The following CHEK1 variants were observed in gnomAD, a reference collection of about 807,000 sequenced individuals.
CHEK1 encodes the protein serine/threonine-protein kinase Chk1.
CHEK1 carries 32 observed loss-of-function variants against 60.2 expected under a neutral mutation model. The ratio of observed to expected loss-of-function variants is 0.53; its 90% CI spans 0.40 to 0.71. The LOEUF is 0.71. Among genes scored for constraint, CHEK1 ranks in the 30% least tolerant of loss-of-function variants. The probability of loss-of-function intolerance (pLI) is 0.00; values close to 1 mark genes in which losing one functional copy is unlikely to be tolerated. For synonymous variants in CHEK1, 179 were observed against 187.2 expected, an observed-to-expected ratio of 0.96 and a Z score of 0.36; for missense variants, 399 against 564.6, an observed-to-expected ratio of 0.71 and a Z score of 2.97.
In CHEK1 at chr11:125,627,628, A is replaced by G; in HGVS notation, c.87A>G (p.Arg29=). Residue 29 remains arginine, a synonymous_variant, in exon 3 of 13, where the codon AGA becomes AGG. Transcript: ENST00000438015. The part of the protein sequence containing the change: ...AYGEVQLAVN[R]VTEEAVAVKI... The stretch of plus-strand genomic sequence containing the variant: ...TTAGAGTTCAACTTGCTGTGAATAG[A>G]GTAACTGAAGAAGCAGTCGCAGTGA... 1 of 1,613,548 alleles carries G rather than the reference A, an allele frequency of 6.2e-7. No individual in the cohort carries two copies. Among genetic ancestry groups the G allele is most frequent in the Non-Finnish European group, 8.5e-7 (1 of 1,179,798 alleles).
chr11:125,665,670 T>G (rs546795077), intron 13 of CHEK1, among the ~76,000 whole-genome samples: 1 of 152,102 alleles, frequency 6.6e-6, no homozygotes, highest in Non-Finnish European at 1.5e-5. Flanking sequence ...ATTATTGATA[T>G]GTTCAGGTTT....
Position 125,644,271 on chromosome 11 carries a change from G to A in CHEK1, c.1101+3G>A, listed in dbSNP as rs1253069841. The stretch of plus-strand genomic sequence containing the variant: ...TTGGCACCCCAGGATCCTCACAGGT[G>A]AGGGAATTTAATTTTTTAAAAGTAA... On this transcript the variant is annotated splice_donor_region_variant and intron_variant, in intron 10 of 12. Transcript: ENST00000438015. 1.6e-5 allele frequency: 25 copies of A among 1,598,514 alleles called. No individual in the cohort carries two copies. Among genetic ancestry groups the A allele is most frequent in the African/African-American group, 2.7e-5 (2 of 73,834 alleles).
At chr11:125,665,332 A>G (rs1447622998) in intron 13 of CHEK1, among the ~76,000 whole-genome samples, 3 of 149,302 alleles carry the variant, frequency 2.0e-5, no homozygotes, top group Non-Finnish European at 3.0e-5. Flanking sequence ...GATGAATTCT[A>G]CCTGATCATG....
intron 11 of CHEK1, among the ~76,000 whole-genome samples, chr11:125,646,083 G>A (rs925577974): frequency 2.6e-5 from 4 of 151,794 alleles, no homozygotes; most frequent in African/African-American, 9.7e-5. Flanking sequence ...CCAGAACATT[G>A]CATCACCACG....
chr11:125,680,684 G>A (rs1942755654), downstream of CHEK1: 2 of 1,564,244 alleles, frequency 1.3e-6, no homozygotes, highest in Non-Finnish European at 1.8e-6. Flanking sequence ...ATGTCTTAAG[G>A]GAGACCCCTT....
At chr11:125,679,216 C>CTTTTTTTTTTTTTTTTTTTTTTTTTTTT (rs71045115), downstream of CHEK1, among the ~76,000 whole-genome samples, 13 of 121,042 alleles carry the variant, frequency 1.1e-4, 2 homozygotes, top group African/African-American at 3.8e-4. Context: ...CCGTCTCTTT[C>CTTTTTTTTTTTTTTTTTTTTTTTTTTTT]TTTTTTTTTT....
intron 13 of CHEK1, chr11:125,672,469 A>G: frequency 2.7e-6 from 3 of 1,130,498 alleles, no homozygotes; most frequent in South Asian, 1.5e-5. Flanking sequence ...TGAGCATCCT[A>G]ATGCTCAGGC....
At chr11:125,657,186 C>CT (rs796267349), downstream of CHEK1, 1 of 65,014 alleles carries the variant, frequency 1.5e-5, no homozygotes, top group Non-Finnish European at 3.1e-5. Context: ...TCAACCTATG[C>CT]TTGTGTGTGT....
downstream of CHEK1, among the ~76,000 whole-genome samples, chr11:125,659,113 A>G (rs1941969185): frequency 2.0e-5 from 3 of 152,198 alleles, no homozygotes; most frequent in Admixed American, 2.0e-4. Flanking sequence ...GGTTATTGAA[A>G]AGATCATTAT....
rs1343548560 is a variant in CHEK1 at position 125,644,266 on chromosome 11, CA to C, written c.1100del (p.Gln367ArgfsTer11). On this transcript the variant is annotated frameshift_variant and splice_region_variant, in exon 10 of 13. Coordinates refer to ENST00000438015, the MANE Select transcript of CHEK1 (RefSeq NM_001114122.3). LOFTEE classifies it high-confidence loss of function. ...GTTACTTGGCACCCCAGGATCCTCACAGGTGAGGGAATTTAATTTTTTAAAA... is the reference window on the plus strand; with the variant it reads ...GTTACTTGGCACCCCAGGATCCTCACGGTGAGGGAATTTAATTTTTTAAAA... Reference protein sequence around the residue: ...SQLLGTPGSSQNPWQRLVKRM... With the variant: ...SQLLGTPGSSXNPWQRLVKRM... The C allele has an allele frequency of 6.2e-7, 1 of 1,602,672 alleles. No homozygotes were observed. Among genetic ancestry groups the C allele is most frequent in the Admixed American group, 1.8e-5 (1 of 56,576 alleles).
intron 11 of CHEK1, among the ~76,000 whole-genome samples, chr11:125,648,349 G>A (rs1941575763): frequency 1.3e-5 from 2 of 152,026 alleles, no homozygotes; most frequent in South Asian, 2.1e-4. Context: ...TTGGGAGGCC[G>A]TTGCGGGTGG....
At chr11:125,648,233 T>C (rs538933824) in intron 11 of CHEK1, among the ~76,000 whole-genome samples, 10 of 152,300 alleles carry the variant, frequency 6.6e-5, no homozygotes, top group Non-Finnish European at 1.2e-4. Context: ...ATTTGCTGAA[T>C]TCATTAACTC....
chr11:125,636,320 A>C (rs1941073509), intron 7 of CHEK1, among the ~76,000 whole-genome samples: 1 of 152,046 alleles, frequency 6.6e-6, no homozygotes, highest in African/African-American at 2.4e-5. Flanking sequence ...GGCTGTGATA[A>C]TATTCTGCCA....
intron 13 of CHEK1, among the ~76,000 whole-genome samples, chr11:125,668,840 A>G (rs146140293): frequency 1.6e-4 from 24 of 152,318 alleles, no homozygotes; most frequent in African/African-American, 5.1e-4. Context: ...TACAGGTATA[A>G]GCCACCGTCC....
chr11:125,659,373 A>G (rs1159818943), downstream of CHEK1, among the ~76,000 whole-genome samples: 1 of 151,534 alleles, frequency 6.6e-6, no homozygotes, highest in Non-Finnish European at 1.5e-5. Flanking sequence ...GATTGCTATG[A>G]TAGTTTCAGA....
rs1263328546 is a variant in CHEK1 at position 125,625,638 on chromosome 11, G to A, written c.-395G>A. On this transcript the variant is annotated 5_prime_UTR_variant, in exon 1 of 13. Transcript: ENST00000438015. ...GCAGCCCCGCCTGGAAGCGCAGCGC[G>A]GTCGGTCGCGCGCCCCTGAGGCTTG... The A allele has an allele frequency of 1.7e-6, 1 of 595,548 alleles. No individual in the cohort carries two copies. Among genetic ancestry groups the A allele is most frequent in the East Asian group, 2.8e-5 (1 of 36,170 alleles). The allele number at this position is 595,548 out of a possible 1,614,324, so 36.9% of individuals were successfully genotyped here.
In CHEK1 at chr11:125,644,164, T is replaced by A. The variant is rs1426308049; in HGVS notation, c.997T>A (p.Ser333Thr). ...TCTTTCCTTATGGGATACCAGCCCC[T>A]CATACATTGATAAATTGGTACAAGG... Reference protein sequence around the residue: ...TGLSLWDTSPSYIDKLVQGIS... With the variant: ...TGLSLWDTSPTYIDKLVQGIS... Residue 333 changes from serine (S) to threonine (T), a missense_variant, in exon 10 of 13, where the codon TCA (serine) becomes ACA (threonine). Transcript: ENST00000438015. 1 of 1,614,150 alleles carries A rather than the reference T, an allele frequency of 6.2e-7. No individual in the cohort carries two copies. The highest frequency in any genetic ancestry group is 8.5e-7 in the Non-Finnish European group (1 of 1,180,016).
Position 125,625,424 on chromosome 11 carries a change from C to CCTCCCGAA in CHEK1, c.-604_-603insGAACTCCC. The CCTCCCGAA allele has an allele frequency of 3.4e-6, 1 of 296,248 alleles. No homozygotes were observed. Among genetic ancestry groups the CCTCCCGAA allele is most frequent in the Non-Finnish European group, 6.3e-6 (1 of 158,004 alleles). The allele number at this position is 296,248 out of a possible 1,614,324, so 18.4% of individuals were successfully genotyped here. A position where few individuals can be genotyped will look rare whatever the true frequency, so the allele number is the denominator to read the frequency against. On this transcript the variant is annotated 5_prime_UTR_variant, in exon 1 of 13. It removes the in-frame stop codon of an upstream open reading frame in the 5' UTR. Transcript: ENST00000438015. Reference sequence around the variant, plus strand: ...AGCCTCTCGCTCCCAACACGGAGTTCCTCCCATTTCTTCACAGTCGGCTCT... The same window carrying CCTCCCGAA: ...AGCCTCTCGCTCCCAACACGGAGTTCCTCCCGAACTCCCATTTCTTCACAGTCGGCTCT...
chr11:125,658,685 C>CTTTTTTTTTTTTTTTTTTTTTTTTTTT (rs67342073), downstream of CHEK1, among the ~76,000 whole-genome samples: 2 of 34,880 alleles, frequency 5.7e-5, 1 homozygote. Context: ...ATGGCTTTTG[C>CTTTTTTTTTTTTTTTTTTTTTTTTTTT]TTTTTTTTTT....
Sources: allele counts gnomAD v4.1 joint callset (sites outside exome capture counted in the v4.1 genomes callset), GRCh38; gene constraint gnomAD v4.1.1; transcripts MANE v1.5; gene names NCBI Gene and HGNC (gene_info 2026-07-23, HGNC 2026-07-21).